CDH13: variants seen among roughly 807,000 people sequenced by gnomAD.
The protein encoded by CDH13 is cadherin-13.
In CDH13, 24 loss-of-function variants were observed where a neutral mutation model predicts 63.8. The ratio of observed to expected loss-of-function variants is 0.38; its 90% CI spans 0.27 to 0.53. The LOEUF is 0.53. CDH13 is among the 20% of genes least tolerant of loss of function. The pLI is 0.85. For missense variants in CDH13, 1,049 were observed against 903.1 expected, an observed-to-expected ratio of 1.16 and a Z score of -2.07; for synonymous variants, 503 against 355.3, an observed-to-expected ratio of 1.42 and a Z score of -4.67.
intron 4 of CDH13, among the ~76,000 whole-genome samples, chr16:83,187,401 G>T (rs1378660783): frequency 6.6e-6 from 1 of 152,088 alleles, no homozygotes; most frequent in Non-Finnish European, 1.5e-5. Flanking sequence ...AGCTGATTTA[G>T]GTTTCATTTT....
intron 2 of CDH13, chr16:82,953,353 G>A (rs904476892): frequency 1.3e-5 from 2 of 152,100 alleles, no homozygotes; most frequent in African/African-American, 4.8e-5. Context: ...ATGAATTTTG[G>A]TTTATTAGAT....
At chr16:83,094,000 G>A (rs1285975195) in intron 3 of CDH13, among the ~76,000 whole-genome samples, 4 of 152,158 alleles carry the variant, frequency 2.6e-5, no homozygotes, top group Admixed American at 6.5e-5. Context: ...GATCTTTGAG[G>A]TGAGCTTTTA....
At chr16:82,989,608 G>A (rs1298132345) in intron 2 of CDH13, among the ~76,000 whole-genome samples, 6 of 152,214 alleles carry the variant, frequency 3.9e-5, no homozygotes, top group African/African-American at 9.7e-5. Flanking sequence ...GTGTGGACCA[G>A]TGATACAATG....
intron 3 of CDH13, among the ~76,000 whole-genome samples, chr16:83,120,763 C>CTTTTTTTTTTTTTTTTTTTTTT (rs750711823): frequency 1.8e-4 from 11 of 60,222 alleles, no homozygotes; most frequent in African/African-American, 2.9e-4. Context: ...AATTTTCTTT[C>CTTTTTTTTTTTTTTTTTTTTTT]TTTTTTTTTT....
intron 4 of CDH13, among the ~76,000 whole-genome samples, chr16:83,190,282 T>C (rs2151754024): frequency 6.6e-6 from 1 of 152,302 alleles, no homozygotes; most frequent in East Asian, 1.9e-4. Flanking sequence ...ATGATTGTGG[T>C]ACAGCTGATT....
intron 1 of CDH13, among the ~76,000 whole-genome samples, chr16:82,837,527 T>C (rs765097121): frequency 6.6e-6 from 1 of 152,108 alleles, no homozygotes; most frequent in African/African-American, 2.4e-5. Context: ...GGTGAAAATA[T>C]ACAAAATGAA....
Position 83,326,680 on chromosome 16 carries a change from G to A in CDH13, c.637-18182G>A, listed in dbSNP as rs927093320. On this transcript the variant is annotated intron_variant, in intron 5 of 13. Coordinates refer to ENST00000567109, the MANE Select transcript of CDH13 (RefSeq NM_001257.5). ...TATATTTACACTTTGTCTCTGCATGGCCCGCAAACATGCAGAAGGGATGTT... is the reference window on the plus strand; with the variant it reads ...TATATTTACACTTTGTCTCTGCATGACCCGCAAACATGCAGAAGGGATGTT... Among the ~76,000 whole-genome samples the A allele has an allele frequency of 7.9e-5, 12 of 152,218 alleles. No homozygotes were observed. In the East Asian group the frequency reaches 2.3e-3, roughly 29 times the overall value.
intron 13 of CDH13, among the ~76,000 whole-genome samples, chr16:83,788,483 A>G (rs1462161411): frequency 3.2e-5 from 1 of 31,560 alleles, no homozygotes; most frequent in African/African-American, 1.7e-4. Flanking sequence ...TTTTAGATTA[A>G]AAAAAAAAGA....
intron 7 of CDH13, among the ~76,000 whole-genome samples, chr16:83,492,246 A>G (rs1442200724): frequency 6.6e-6 from 1 of 152,230 alleles, no homozygotes; most frequent in Non-Finnish European, 1.5e-5. Context: ...CTTCAATGAA[A>G]GATAGAGGTA....
intron 4 of CDH13, among the ~76,000 whole-genome samples, chr16:83,141,715 T>C (rs756606811): frequency 3.9e-5 from 6 of 152,164 alleles, no homozygotes; most frequent in Non-Finnish European, 7.4e-5. Flanking sequence ...CCCCTCCCTG[T>C]GTCCATGTGT....
chr16:82,864,706 C>G (rs1393724506), intron 2 of CDH13, among the ~76,000 whole-genome samples: 1 of 152,180 alleles, frequency 6.6e-6, no homozygotes, highest in Non-Finnish European at 1.5e-5. Context: ...CAGAGCCAGA[C>G]CATGTTATTC....
In CDH13 at chr16:83,669,089, A is replaced by G. The variant is rs139275150; in HGVS notation, c.1102-1701A>G. Reference sequence around the variant, plus strand: ...TAGGCTTTACCCCAGAGCCTGGGGAATCTGAATTGATCTGGGGAGTCTGAA... The same window carrying G: ...TAGGCTTTACCCCAGAGCCTGGGGAGTCTGAATTGATCTGGGGAGTCTGAA... On this transcript the variant is annotated intron_variant, in intron 8 of 13. Coordinates refer to ENST00000567109, the MANE Select transcript of CDH13 (RefSeq NM_001257.5). 2.6e-3 allele frequency among the ~76,000 whole-genome samples: 402 copies of G among 152,286 alleles called. 5 individuals are homozygous for G. The highest frequency in any genetic ancestry group is 9.3e-3 in the African/African-American group (387 of 41,552).
At chr16:82,772,516 C>G (rs1030329059) in intron 1 of CDH13, among the ~76,000 whole-genome samples, 1 of 152,172 alleles carries the variant, frequency 6.6e-6, no homozygotes, top group Non-Finnish European at 1.5e-5. Context: ...CAAGGTCTCT[C>G]AACCTGAGGT....
intron 2 of CDH13, among the ~76,000 whole-genome samples, chr16:83,024,754 C>G (rs1234655911): frequency 6.6e-6 from 1 of 152,210 alleles, no homozygotes; most frequent in East Asian, 1.9e-4. Context: ...GTTGTCTTCA[C>G]CAACAATCCG....
At chr16:83,686,541 T>A (rs1458018358) in intron 10 of CDH13, among the ~76,000 whole-genome samples, 1 of 152,234 alleles carries the variant, frequency 6.6e-6, no homozygotes, top group Non-Finnish European at 1.5e-5. Flanking sequence ...CTAAACCTAA[T>A]ATTTGCAAAA....
At chr16:83,470,953 G>C (rs1288363852) in intron 6 of CDH13, among the ~76,000 whole-genome samples, 2 of 152,112 alleles carry the variant, frequency 1.3e-5, no homozygotes, top group Non-Finnish European at 2.9e-5. Context: ...CCACTTTCTT[G>C]ATTTTTCCAG....
intron 6 of CDH13, among the ~76,000 whole-genome samples, chr16:83,457,319 T>A (rs548018263): frequency 1.9e-4 from 29 of 152,212 alleles, no homozygotes; most frequent in African/African-American, 6.5e-4. Context: ...AGCTTAGTAG[T>A]GTCTGTGTTA....
intron 6 of CDH13, among the ~76,000 whole-genome samples, chr16:83,375,250 A>G (rs1235261618): frequency 1.3e-5 from 2 of 152,204 alleles, no homozygotes; most frequent in African/African-American, 2.4e-5. Flanking sequence ...AGAAATAATC[A>G]TGTTTCTTAA....
At chr16:82,662,934 C>T (rs937222570) in intron 1 of CDH13, among the ~76,000 whole-genome samples, 10 of 152,128 alleles carry the variant, frequency 6.6e-5, no homozygotes, top group African/African-American at 2.4e-4. Context: ...TGCCTTCTCC[C>T]ATATGACAAA....
Sources: allele counts gnomAD v4.1 joint callset (sites outside exome capture counted in the v4.1 genomes callset), GRCh38; gene constraint gnomAD v4.1.1; transcripts MANE v1.5; gene names NCBI Gene and HGNC (gene_info 2026-07-23, HGNC 2026-07-21).